ADCY2: variants seen among roughly 807,000 people sequenced by gnomAD.
ADCY2 encodes the protein adenylate cyclase 2, also known as adenylate cyclase type 2.
In ADCY2, 31 loss-of-function variants were observed where a neutral mutation model predicts 125.2. The ratio of observed to expected loss-of-function variants is 0.25; its 90% confidence interval spans 0.19 to 0.33. The LOEUF (loss-of-function observed/expected upper bound fraction) is 0.33, where lower values mean the gene tolerates loss of function less well. Ranked by LOEUF, ADCY2 falls within the 10% of genes least tolerant of loss-of-function variation. The probability of loss-of-function intolerance (pLI) is 1.00; values close to 1 mark genes in which losing one functional copy is unlikely to be tolerated. For missense variants in ADCY2, 904 were observed against 1,418.2 expected (o/e 0.64, Z 5.82); for synonymous variants, 512 against 548.4 (o/e 0.93, Z 0.93).
At chr5:7,677,894 C>G (rs1394007823) in intron 4 of ADCY2, among the ~76,000 whole-genome samples, 1 of 152,166 alleles carries the variant, frequency 6.6e-6, no homozygotes, top group East Asian at 1.9e-4. Flanking sequence ...GGGTGCATAG[C>G]TGGTGAGAAT....
At chr5:7,652,021 C>T (rs964627762) in intron 4 of ADCY2, among the ~76,000 whole-genome samples, 4 of 152,046 alleles carry the variant, frequency 2.6e-5, no homozygotes, top group Admixed American at 2.0e-4. Context: ...CCAGGATGGC[C>T]TCTATTTCTT....
chr5:7,534,370 A>G (rs546688373), intron 3 of ADCY2, among the ~76,000 whole-genome samples: 2 of 152,300 alleles, frequency 1.3e-5, no homozygotes, highest in East Asian at 3.9e-4. Flanking sequence ...CCACATGGAG[A>G]AGAGGAAATG....
chr5:7,606,027 G>A (rs1323487004), intron 3 of ADCY2, among the ~76,000 whole-genome samples: 2 of 145,892 alleles, frequency 1.4e-5, no homozygotes, highest in East Asian at 4.1e-4. Context: ...ATGAAGGGTT[G>A]TTGAATTTTG....
At chr5:7,708,637 A>G (rs944692844) in intron 9 of ADCY2, among the ~76,000 whole-genome samples, 4 of 152,228 alleles carry the variant, frequency 2.6e-5, no homozygotes, top group African/African-American at 9.6e-5. Context: ...CATAAAATCA[A>G]CAAGATCAAC....
At chr5:7,741,555 CATCCCT>C in intron 14 of ADCY2, among the ~76,000 whole-genome samples, 1 of 126,944 alleles carries the variant, frequency 7.9e-6, no homozygotes, top group Admixed American at 8.7e-5. Flanking sequence ...TCCCCATCAC[CATCCCT>C]ATCACCATCA....
chr5:7,489,300 T>C (rs1200291540), intron 2 of ADCY2, among the ~76,000 whole-genome samples: 2 of 152,194 alleles, frequency 1.3e-5, no homozygotes, highest in Non-Finnish European at 2.9e-5. Flanking sequence ...CCAGGGACTA[T>C]TGCACCCTCC....
chr5:7,526,236 A>G (rs1734454345), intron 3 of ADCY2, among the ~76,000 whole-genome samples: 1 of 152,154 alleles, frequency 6.6e-6, no homozygotes, highest in Non-Finnish European at 1.5e-5. Context: ...GCTGGTGCAG[A>G]TGCTTCCTTA....
chr5:7,770,434 C>T (rs1347990016), intron 17 of ADCY2, among the ~76,000 whole-genome samples: 2 of 152,170 alleles, frequency 1.3e-5, no homozygotes, highest in Admixed American at 6.5e-5. Flanking sequence ...TTAATTATAA[C>T]AGTGGTTTTC....
intron 10 of ADCY2, among the ~76,000 whole-genome samples, chr5:7,710,987 A>C (rs1246197801): frequency 6.6e-6 from 1 of 152,204 alleles, no homozygotes; most frequent in Non-Finnish European, 1.5e-5. Flanking sequence ...ATTAATTGAG[A>C]TGACAAATAC....
intron 18 of ADCY2, among the ~76,000 whole-genome samples, chr5:7,773,745 CT>C (rs1351954416): frequency 6.6e-6 from 1 of 152,092 alleles, no homozygotes; most frequent in African/African-American, 2.4e-5. Flanking sequence ...TATATGGTTG[CT>C]TTAGGTCTTT....
At chr5:7,816,039 A>T (rs1745102215) in intron 22 of ADCY2, among the ~76,000 whole-genome samples, 1 of 152,148 alleles carries the variant, frequency 6.6e-6, no homozygotes, top group Admixed American at 6.5e-5. Context: ...GCCTCTTCTT[A>T]AAAGGACACC....
chr5:7,458,352 T>C (rs1741785637), intron 2 of ADCY2, among the ~76,000 whole-genome samples: 2 of 152,246 alleles, frequency 1.3e-5, no homozygotes, highest in South Asian at 2.1e-4. Flanking sequence ...TAGAGTAATG[T>C]ATAATGAGGA....
At chr5:7,636,756 T>C (rs893553649) in intron 4 of ADCY2, among the ~76,000 whole-genome samples, 1 of 152,184 alleles carries the variant, frequency 6.6e-6, no homozygotes, top group Non-Finnish European at 1.5e-5. Flanking sequence ...TCACATGCTG[T>C]AGAGTCATAG....
intron 2 of ADCY2, among the ~76,000 whole-genome samples, chr5:7,494,329 C>T (rs1450745868): frequency 6.6e-6 from 1 of 152,068 alleles, no homozygotes; most frequent in Non-Finnish European, 1.5e-5. Flanking sequence ...TGTAGCTCCT[C>T]ATACCCCTGA....
chr5:7,447,069 C>T (rs770899742), intron 2 of ADCY2, among the ~76,000 whole-genome samples: 1 of 152,106 alleles, frequency 6.6e-6, no homozygotes, highest in Non-Finnish European at 1.5e-5. Flanking sequence ...CGGAGTGCGT[C>T]ACAGTTACGC....
intron 2 of ADCY2, among the ~76,000 whole-genome samples, chr5:7,474,894 G>A (rs985556100): frequency 2.6e-5 from 4 of 152,198 alleles, no homozygotes; most frequent in African/African-American, 7.2e-5. Flanking sequence ...AAAATAACTC[G>A]GATGATGCAG....
chr5:7,647,817 G>A (rs1037177160), intron 4 of ADCY2, among the ~76,000 whole-genome samples: 3 of 152,132 alleles, frequency 2.0e-5, no homozygotes, highest in African/African-American at 7.2e-5. Context: ...TCTGCTGTAG[G>A]TACAACTGTC....
intron 3 of ADCY2, among the ~76,000 whole-genome samples, chr5:7,533,001 C>T (rs1170309432): frequency 6.7e-6 from 1 of 149,968 alleles, no homozygotes; most frequent in African/African-American, 2.4e-5. Context: ...TGTATATAAA[C>T]ATTTGATATG....
In ADCY2 at chr5:7,709,537, C is replaced by G; in HGVS notation, c.1578+150C>G. 1.0e-6 allele frequency: 1 copy of G among 982,162 alleles called. No individual in the cohort carries two copies. The highest frequency in any genetic ancestry group is 1.5e-6 in the Non-Finnish European group (1 of 688,386). 60.8% of individuals were successfully genotyped at this position (982,162 alleles called of 1,614,324 possible). A position where few individuals can be genotyped will look rare whatever the true frequency, so the allele number is the denominator to read the frequency against. On this transcript the variant is annotated intron_variant, in intron 10 of 24. Transcript: ENST00000338316. The surrounding 1 kb of genome is among the most constrained non-coding windows in gnomAD (Gnocchi z 4.4). ...TCTCAGAGAGGCCCTTATGAACAAC[C>G]ATCAGGGTATGAGTGAGCTCCATGC... is the stretch of plus-strand genomic sequence containing the variant.
Sources: allele counts gnomAD v4.1 joint callset (sites outside exome capture counted in the v4.1 genomes callset), GRCh38; gene constraint gnomAD v4.1.1; non-coding constraint Gnocchi (gnomAD v3.1); transcripts MANE v1.5; gene names NCBI Gene and HGNC (gene_info 2026-07-23, HGNC 2026-07-21).